The following CCDC179 variants were observed in gnomAD, a reference collection of about 807,000 sequenced individuals.
The protein encoded by CCDC179 is coiled-coil domain-containing protein 179.
CCDC179 carries 17 observed loss-of-function variants against 12.0 expected under a neutral mutation model. The ratio of observed to expected loss-of-function variants is 1.42; its 90% CI spans 0.97 to 2.13. The LOEUF is 2.13. Ranked by LOEUF, CCDC179 falls within the 30% of genes most tolerant of loss-of-function variation. CCDC179 has a pLI of 0.00. For missense variants in CCDC179, 83 were observed against 78.6 expected, an observed-to-expected ratio of 1.06 and a Z score of -0.21; for synonymous variants, 27 against 26.4, an observed-to-expected ratio of 1.02 and a Z score of -0.07.
intron 3 of CCDC179, among the ~76,000 whole-genome samples, chr11:22,852,086 C>T (rs1384423585): frequency 6.6e-6 from 1 of 152,132 alleles, no homozygotes. Context: ...AAAGGAAATA[C>T]ACAACTCCTG....
intron 3 of CCDC179, among the ~76,000 whole-genome samples, chr11:22,848,860 A>C (rs1590186995): frequency 1.3e-5 from 2 of 152,234 alleles, no homozygotes; most frequent in African/African-American, 4.8e-5. Context: ...AGAAATTGAG[A>C]GTAAACATTT....
At chr11:22,850,976 A>ATTTTTTTTTTTTTT (rs1164245496) in intron 3 of CCDC179, among the ~76,000 whole-genome samples, 1 of 6,124 alleles carries the variant, frequency 1.6e-4, no homozygotes. Flanking sequence ...ATATATATAT[A>ATTTTTTTTTTTTTT]TTTTTTTTTT....
intron 2 of CCDC179, among the ~76,000 whole-genome samples, chr11:22,858,968 A>T (rs1375685235): frequency 6.6e-6 from 1 of 152,084 alleles, no homozygotes; most frequent in South Asian, 2.1e-4. Context: ...CATACACTAA[A>T]TTTTGTGTGA....
chr11:22,849,192 G>C (rs1858311083), intron 3 of CCDC179, among the ~76,000 whole-genome samples: 1 of 152,148 alleles, frequency 6.6e-6, no homozygotes, highest in African/African-American at 2.4e-5. Context: ...TTTCTTGGAA[G>C]AAAGGTATAC....
intron 3 of CCDC179, among the ~76,000 whole-genome samples, chr11:22,853,720 AGAAG>A (rs1415320427): frequency 6.6e-6 from 1 of 151,836 alleles, no homozygotes; most frequent in Non-Finnish European, 1.5e-5. Context: ...AGAAGAAAGA[AGAAG>A]GAAGAAGAAA....
At chr11:22,853,364 TAGA>T (rs1858457091) in intron 3 of CCDC179, among the ~76,000 whole-genome samples, 1 of 152,144 alleles carries the variant, frequency 6.6e-6, no homozygotes, top group South Asian at 2.1e-4. Flanking sequence ...TAAGTTCTAA[TAGA>T]AGAAGTGGAC....
intron 3 of CCDC179, among the ~76,000 whole-genome samples, chr11:22,850,852 G>A (rs997971160): frequency 6.9e-6 from 1 of 144,672 alleles, no homozygotes; most frequent in Admixed American, 7.0e-5. Flanking sequence ...GTAGACCCAG[G>A]AATAATTCTC....
intron 1 of CCDC179, 108 bp downstream of exon 1, chr11:22,860,269 A>G: frequency 5.4e-6 from 7 of 1,287,046 alleles, no homozygotes; most frequent in Non-Finnish European, 7.4e-6. Flanking sequence ...CCAGCACCAA[A>G]CCACATTTAC....
intron 1 of CCDC179, among the ~76,000 whole-genome samples, 195 bp downstream of exon 1, chr11:22,860,182 G>A (rs988406634): frequency 2.0e-5 from 3 of 152,210 alleles, no homozygotes; most frequent in Non-Finnish European, 2.9e-5. Flanking sequence ...CACACAGTGG[G>A]TGGAGCTTTT....
At position 22,847,369 on chromosome 11, in the gene CCDC179, C is replaced by G. The variant is rs748943394; in HGVS notation, c.*141G>C. 99 of 444,386 alleles carry G rather than the reference C, an allele frequency of 2.2e-4. No homozygotes were observed. Among genetic ancestry groups the G allele is most frequent in the South Asian group, 5.4e-4 (8 of 14,788 alleles). 27.5% of individuals were successfully genotyped at this position (444,386 alleles called of 1,614,324 possible). ...GAGCCTGTAGCTTGGATATTAAATA[C>G]TTGCACTGTGTTTATTTTTCCGAAA... On this transcript the variant is annotated 3_prime_UTR_variant, in exon 4 of 4. Transcript: ENST00000532798.
At chr11:22,856,262 A>C (rs1190274653) in intron 3 of CCDC179, among the ~76,000 whole-genome samples, 1 of 151,552 alleles carries the variant, frequency 6.6e-6, no homozygotes, top group African/African-American at 2.4e-5. Flanking sequence ...TAGATGTAAA[A>C]ATTCTCAACA....
intron 3 of CCDC179, among the ~76,000 whole-genome samples, chr11:22,848,238 A>T (rs1401917232): frequency 6.6e-6 from 1 of 152,110 alleles, no homozygotes; most frequent in Non-Finnish European, 1.5e-5. Context: ...GAGGCCAGGA[A>T]TTTGAAACCA....
At chr11:22,853,100 C>A (rs1040399807) in intron 3 of CCDC179, among the ~76,000 whole-genome samples, 2 of 152,136 alleles carry the variant, frequency 1.3e-5, no homozygotes, top group Non-Finnish European at 2.9e-5. Context: ...TCTGATATCA[C>A]AGTTACAAAT....
chr11:22,857,868 T>C (rs1858563922), intron 3 of CCDC179, 54 bp downstream of exon 3: 1 of 844,192 alleles, frequency 1.2e-6, no homozygotes, highest in Non-Finnish European at 1.7e-6. Context: ...ATTAAAATGA[T>C]GATATCAGTT....
intron 3 of CCDC179, among the ~76,000 whole-genome samples, chr11:22,848,630 C>T (rs1051996251): frequency 6.6e-6 from 1 of 151,892 alleles, no homozygotes; most frequent in Admixed American, 6.6e-5. Context: ...TTAAATTGTA[C>T]AAAAACTGTT....
intron 3 of CCDC179, among the ~76,000 whole-genome samples, chr11:22,857,096 A>C (rs1489868398): frequency 6.6e-6 from 1 of 151,696 alleles, no homozygotes; most frequent in African/African-American, 2.4e-5. Context: ...GTTATTTCCA[A>C]ACTGATCCTT....
chr11:22,850,445 T>A (rs1858347193), intron 3 of CCDC179, among the ~76,000 whole-genome samples: 1 of 152,256 alleles, frequency 6.6e-6, no homozygotes, highest in Non-Finnish European at 1.5e-5. Flanking sequence ...ATTTTATGGC[T>A]GTTCTATTTT....
Position 22,857,982 on chromosome 11 carries a change from C to G in CCDC179, c.135G>C (p.Glu45Asp). 1 of 1,528,502 alleles carries G rather than the reference C, an allele frequency of 6.5e-7. No individual in the cohort carries two copies. Among genetic ancestry groups the G allele is most frequent in the South Asian group, 1.2e-5 (1 of 82,514 alleles). The allele number at this position is 1,528,502 out of a possible 1,614,324, so 94.7% of individuals were successfully genotyped here. The change falls in exon 3 of 4, where the codon GAG (glutamate) becomes GAC (aspartate). Residue 45 changes from glutamate (E) to aspartate (D), a missense_variant. By Grantham distance (45) the Glu-to-Asp change is conservative. Coordinates refer to ENST00000532798, the MANE Select transcript of CCDC179 (RefSeq NM_001195637.2). ...RIQNMQHLKKEKRRLNKRFSR... is the reference protein window; with the variant it reads ...RIQNMQHLKKDKRRLNKRFSR... The stretch of plus-strand genomic sequence containing the variant: ...AAAACCTTTTATTCAGTCTCCTCTT[C>G]TCTTTCTTTAGGTGTTGCATATTCT...
chr11:22,855,106 T>C (rs1858503374), intron 3 of CCDC179, among the ~76,000 whole-genome samples: 1 of 151,726 alleles, frequency 6.6e-6, no homozygotes, highest in African/African-American at 2.4e-5. Flanking sequence ...TCTGCTATCA[T>C]AGCTGGAAAT....
Sources: gnomAD v4.1 joint callset for allele counts (sites outside exome capture counted in the v4.1 genomes callset) on GRCh38, gnomAD v4.1.1 for gene constraint, MANE v1.5 for transcripts, NCBI Gene and HGNC (gene_info 2026-07-23, HGNC 2026-07-21) for gene names.